SIX1: variants seen among roughly 807,000 people sequenced by gnomAD.
SIX1 encodes SIX homeobox 1.
A neutral mutation model predicts 26.5 loss-of-function variants in SIX1; 11 were observed. The ratio of observed to expected loss-of-function variants is 0.41; its 90% CI spans 0.26 to 0.69. SIX1 has a LOEUF of 0.69. SIX1 is among the 30% of genes least tolerant of loss of function. The probability of loss-of-function intolerance (pLI) is 0.28; values close to 1 mark genes in which losing one functional copy is unlikely to be tolerated. For synonymous variants in SIX1, 177 were observed against 166.2 expected, an observed-to-expected ratio of 1.06 and a Z score of -0.50; for missense variants, 333 against 365.9, an observed-to-expected ratio of 0.91 and a Z score of 0.73.
chr14:60,643,612 A>G lies in SIX1; in HGVS notation c.*2671T>C, dbSNP rs1390117403. On this transcript the variant is annotated 3_prime_UTR_variant, in exon 2 of 2. Coordinates refer to ENST00000645694, the MANE Select transcript of SIX1 (RefSeq NM_005982.4). ...GAGGTCCCTTAACAGCTGGTTCTCGAAGATTTCCTCGAGGGAAGAAAAAAA... is the reference window on the plus strand; with the variant it reads ...GAGGTCCCTTAACAGCTGGTTCTCGGAGATTTCCTCGAGGGAAGAAAAAAA... 1.3e-5 allele frequency: 2 copies of G among 152,124 alleles called. No individual in the cohort carries two copies. The highest frequency in any genetic ancestry group is 2.9e-5 in the Non-Finnish European group (2 of 68,038). The allele number at this position is 152,124 out of a possible 1,614,324, so 9.4% of individuals were successfully genotyped here.
At position 60,649,136 on chromosome 14, in the gene SIX1, G is replaced by A. The variant is rs1433194575; in HGVS notation, c.54C>T (p.Cys18=). 1 of 1,612,486 alleles carries A rather than the reference G, an allele frequency of 6.2e-7. No homozygotes were observed. The highest frequency in any genetic ancestry group is 1.3e-5 in the African/African-American group (1 of 74,906). ...GGTTTCCGCCTTGCTGCAGAACCTC[G>A]CACACGCACGCCACTTGCTCCTGCG... ...GFTQEQVACV[C]EVLQQGGNLE... Residue 18 remains cysteine (C), a synonymous_variant, in exon 1 of 2, where the codon TGC becomes TGT. Transcript: ENST00000645694. The surrounding 1 kb of genome is among the most constrained non-coding windows in gnomAD (Gnocchi z 5.1).
Position 60,646,410 on chromosome 14 carries a change from C to T in SIX1, c.728G>A (p.Ser243Asn). ...LLQGNMGHARSSNYSLPGLTA... is the reference protein window; with the variant it reads ...LLQGNMGHARNSNYSLPGLTA... ...TAAGCCCGGGAGAGAATAGTTTGAG[C>T]TCCTGGCGTGGCCCATATTGCCCTG... Residue 243 changes from serine to asparagine, a missense_variant, in exon 2 of 2, where the codon AGC becomes AAC. Transcript: ENST00000645694. 6.2e-7 allele frequency: 1 copy of T among 1,613,960 alleles called. No individual in the cohort carries two copies. The highest frequency in any genetic ancestry group is 8.5e-7 in the Non-Finnish European group (1 of 1,180,002).
In SIX1 at chr14:60,647,447, A is replaced by G. The variant is rs533521755; in HGVS notation, c.561-870T>C. Among the ~76,000 whole-genome samples, 3 of 152,246 alleles carry G rather than the reference A, an allele frequency of 2.0e-5. No homozygotes were observed. The highest frequency in any genetic ancestry group is 2.9e-5 in the Non-Finnish European group (2 of 68,006). ...TGGGGCGTCAGTCCGGGCACTCGGTACCGGTTAACTTCAGGATTTCGCTTC... is the reference window on the plus strand; with the variant it reads ...TGGGGCGTCAGTCCGGGCACTCGGTGCCGGTTAACTTCAGGATTTCGCTTC... On this transcript the variant is annotated intron_variant, in intron 1 of 1. Coordinates refer to ENST00000645694, the MANE Select transcript of SIX1 (RefSeq NM_005982.4). The surrounding 1 kb of genome is among the most constrained non-coding windows in gnomAD (Gnocchi z 5.1).
Position 60,647,833 on chromosome 14 carries a change from G to A in SIX1, c.560+797C>T, listed in dbSNP as rs954794701. On this transcript the variant is annotated intron_variant, in intron 1 of 1. Coordinates refer to ENST00000645694, the MANE Select transcript of SIX1 (RefSeq NM_005982.4). The surrounding 1 kb of genome is among the most constrained non-coding windows in gnomAD (Gnocchi z 5.1). Reference sequence around the variant, plus strand: ...CCCAGGTGGCCGAAGGTGTTGCCCCGAGGTGGGGGAAAGTAGAGACCAATT... The same window carrying A: ...CCCAGGTGGCCGAAGGTGTTGCCCCAAGGTGGGGGAAAGTAGAGACCAATT... Among the ~76,000 whole-genome samples, 1 of 152,202 alleles carries A rather than the reference G, an allele frequency of 6.6e-6. No homozygotes were observed. The highest frequency in any genetic ancestry group is 2.4e-5 in the African/African-American group (1 of 41,468).
chr14:60,647,587 G>A lies in SIX1; in HGVS notation c.561-1010C>T, dbSNP rs1894972819. Among the ~76,000 whole-genome samples, 1 of 152,134 alleles carries A rather than the reference G, an allele frequency of 6.6e-6. No homozygotes were observed. Among genetic ancestry groups the A allele is most frequent in the Admixed American group, 6.5e-5 (1 of 15,276 alleles). ...TCTGTCTCCCGACAAGCCCATTTCA[G>A]CAGAATTTATCCTGGCTCTGGTTTT... is the stretch of plus-strand genomic sequence containing the variant. On this transcript the variant is annotated intron_variant, in intron 1 of 1. Coordinates refer to ENST00000645694, the MANE Select transcript of SIX1 (RefSeq NM_005982.4). This position sits in a 1 kb window ranked among gnomAD's most constrained non-coding sequence, Gnocchi z 5.1.
chr14:60,648,184 C>T lies in SIX1; in HGVS notation c.560+446G>A, dbSNP rs1287000033. Among the ~76,000 whole-genome samples the T allele has an allele frequency of 1.3e-5, 2 of 152,138 alleles. No homozygotes were observed. The highest frequency in any genetic ancestry group is 2.9e-5 in the Non-Finnish European group (2 of 68,006). ...GAACCAGGCGGGAGTGGGGGCAGAGCCAATGTCTCAGGCCAGCTTCACCCC... is the reference window on the plus strand; with the variant it reads ...GAACCAGGCGGGAGTGGGGGCAGAGTCAATGTCTCAGGCCAGCTTCACCCC... On this transcript the variant is annotated intron_variant, in intron 1 of 1. Coordinates refer to ENST00000645694, the MANE Select transcript of SIX1 (RefSeq NM_005982.4). The surrounding 1 kb of genome is among the most constrained non-coding windows in gnomAD (Gnocchi z 7.9).
chr14:60,649,206 G>C lies in SIX1; in HGVS notation c.-17C>G, dbSNP rs764866193. The C allele has an allele frequency of 5.0e-6, 8 of 1,602,224 alleles. No individual in the cohort carries two copies. The highest frequency in any genetic ancestry group is 6.8e-6 in the Non-Finnish European group (8 of 1,179,114). ...CATCGACATGGCTGGGGCCTGCCGGGGCGCACGGCCCAGGCGCACGCGGCA... is the reference window on the plus strand; with the variant it reads ...CATCGACATGGCTGGGGCCTGCCGGCGCGCACGGCCCAGGCGCACGCGGCA... On this transcript the variant is annotated 5_prime_UTR_variant, in exon 1 of 2. Transcript: ENST00000645694. The surrounding 1 kb of genome is among the most constrained non-coding windows in gnomAD (Gnocchi z 5.1).
chr14:60,646,753 G>T (rs1411077272), intron 1 of SIX1, among the ~76,000 whole-genome samples, 176 bp from the exon 2 acceptor site: 1 of 152,088 alleles, frequency 6.6e-6, no homozygotes, highest in Non-Finnish European at 1.5e-5. Flanking sequence ...CAAGGGTAAT[G>T]GGGGAGGTGA....
In SIX1 at chr14:60,649,334, A is replaced by G; in HGVS notation, c.-145T>C. ...TGCAAAGGCGAAAACCGGAGTCGGA[A>G]CTTGGCGGTGGGCGGCCAAGGAAGA... On this transcript the variant is annotated 5_prime_UTR_variant, in exon 1 of 2. Coordinates refer to ENST00000645694, the MANE Select transcript of SIX1 (RefSeq NM_005982.4). The surrounding 1 kb of genome is among the most constrained non-coding windows in gnomAD (Gnocchi z 5.1). 1.5e-6 allele frequency: 1 copy of G among 688,322 alleles called. No individual in the cohort carries two copies. Among genetic ancestry groups the G allele is most frequent in the South Asian group, 1.9e-5 (1 of 53,922 alleles). The allele number at this position is 688,322 out of a possible 1,614,324, so 42.6% of individuals were successfully genotyped here.
At position 60,646,456 on chromosome 14, in the gene SIX1, G is replaced by C. The variant is rs770666125; in HGVS notation, c.682C>G (p.Gln228Glu). Residue 228 changes from glutamine (Q) to glutamate (E), a missense_variant, in exon 2 of 2, where the codon CAG (glutamine) becomes GAG (glutamate). Around this residue, in one of 3 missense-constraint regions of SIX1, gnomAD observed 199 missense variants for 215.2 expected, o/e 0.92. Transcript: ENST00000645694. ...EEFSPPQSPD[Q>E]NSVLLLQGNM... ...CCCTGCAGCAGAAGGACCGAGTTCT[G>C]GTCTGGACTTTGGGGAGGTGAGAAT... The C allele has an allele frequency of 1.5e-5, 24 of 1,614,074 alleles. No homozygotes were observed. The highest frequency in any genetic ancestry group is 1.4e-5 in the Non-Finnish European group (17 of 1,180,018).
chr14:60,648,526 C>A lies in SIX1; in HGVS notation c.560+104G>T, dbSNP rs1276826884. 1.2e-5 allele frequency: 14 copies of A among 1,200,064 alleles called. No individual in the cohort carries two copies. The highest frequency in any genetic ancestry group is 1.4e-5 in the Non-Finnish European group (12 of 846,674). The allele number at this position is 1,200,064 out of a possible 1,614,324, so 74.3% of individuals were successfully genotyped here. A position where few individuals can be genotyped will look rare whatever the true frequency, so the allele number is the denominator to read the frequency against. ...CGCCGCCCCGTGGACGGGCTCCGGC[C>A]GGCGGGGAGGACTTGGTGGCTGGTG... On this transcript the variant is annotated intron_variant, in intron 1 of 1. Coordinates refer to ENST00000645694, the MANE Select transcript of SIX1 (RefSeq NM_005982.4). This position sits in a 1 kb window ranked among gnomAD's most constrained non-coding sequence, Gnocchi z 7.9.
rs201700039 is a variant in SIX1, at chr14:60,649,213, G to T, written c.-24C>A. Reference sequence around the variant, plus strand: ...ATGGCTGGGGCCTGCCGGGGCGCACGGCCCAGGCGCACGCGGCAGGGAGCA... The same window carrying T: ...ATGGCTGGGGCCTGCCGGGGCGCACTGCCCAGGCGCACGCGGCAGGGAGCA... On this transcript the variant is annotated 5_prime_UTR_variant, in exon 1 of 2. Transcript: ENST00000645694. The surrounding 1 kb of genome is among the most constrained non-coding windows in gnomAD (Gnocchi z 5.1). 1.1e-5 allele frequency: 17 copies of T among 1,598,320 alleles called. No homozygotes were observed. Among genetic ancestry groups the T allele is most frequent in the Non-Finnish European group, 1.4e-5 (17 of 1,177,098 alleles).
chr14:60,646,860 T>C (rs1316570051), intron 1 of SIX1, among the ~76,000 whole-genome samples: 4 of 152,146 alleles, frequency 2.6e-5, no homozygotes, highest in African/African-American at 4.8e-5. Context: ...AGTGATAGAT[T>C]AGCAGGATTT....
chr14:60,647,608 G>C lies in SIX1; in HGVS notation c.560+1022C>G, dbSNP rs1894973078. On this transcript the variant is annotated intron_variant, in intron 1 of 1. Coordinates refer to ENST00000645694, the MANE Select transcript of SIX1 (RefSeq NM_005982.4). This position sits in a 1 kb window ranked among gnomAD's most constrained non-coding sequence, Gnocchi z 5.1. ...TTCAGCAGAATTTATCCTGGCTCTGGTTTTCCACCAAGACAAGAAAGGGAG... is the reference window on the plus strand; with the variant it reads ...TTCAGCAGAATTTATCCTGGCTCTGCTTTTCCACCAAGACAAGAAAGGGAG... Among the ~76,000 whole-genome samples the C allele has an allele frequency of 6.6e-6, 1 of 152,124 alleles. No individual in the cohort carries two copies. The highest frequency in any genetic ancestry group is 2.4e-5 in the African/African-American group (1 of 41,424).
At position 60,648,434 on chromosome 14, in the gene SIX1, G is replaced by A. The variant is rs77352785; in HGVS notation, c.560+196C>T. On this transcript the variant is annotated intron_variant, in intron 1 of 1. Coordinates refer to ENST00000645694, the MANE Select transcript of SIX1 (RefSeq NM_005982.4). This position sits in a 1 kb window ranked among gnomAD's most constrained non-coding sequence, Gnocchi z 7.9. ...ACGCGCGGGTGCTCAAAGCAAATGAGGCCCCATCCTTAGCAAGGAACCTCA... is the reference window on the plus strand; with the variant it reads ...ACGCGCGGGTGCTCAAAGCAAATGAAGCCCCATCCTTAGCAAGGAACCTCA... 4.6e-5 allele frequency among the ~76,000 whole-genome samples: 7 copies of A among 152,202 alleles called. No homozygotes were observed. In the East Asian group the frequency reaches 1.2e-3, roughly 25 times the overall value.
rs1894976378 is a variant in SIX1 at position 60,647,785 on chromosome 14, CTA to C, written c.560+843_560+844del. Among the ~76,000 whole-genome samples, 2 of 152,354 alleles carry C rather than the reference CTA, an allele frequency of 1.3e-5. No homozygotes were observed. Among genetic ancestry groups the C allele is most frequent in the South Asian group, 4.1e-4 (2 of 4,822 alleles). On this transcript the variant is annotated intron_variant, in intron 1 of 1. Coordinates refer to ENST00000645694, the MANE Select transcript of SIX1 (RefSeq NM_005982.4). The surrounding 1 kb of genome is among the most constrained non-coding windows in gnomAD (Gnocchi z 5.1). ...TCCTTCTGAATCTCTGTCCGAAACGCTATAGAGAACAGAAGGAGCCTGCCCAG... is the reference window on the plus strand; with the variant it reads ...TCCTTCTGAATCTCTGTCCGAAACGCTAGAGAACAGAAGGAGCCTGCCCAG...
chr14:60,649,246 G>T lies in SIX1; in HGVS notation c.-57C>A. The T allele has an allele frequency of 6.5e-7, 1 of 1,531,294 alleles. No homozygotes were observed. Among genetic ancestry groups the T allele is most frequent in the East Asian group, 2.3e-5 (1 of 44,002 alleles). 94.9% of individuals were successfully genotyped at this position (1,531,294 alleles called of 1,614,324 possible). On this transcript the variant is annotated 5_prime_UTR_variant, in exon 1 of 2. Transcript: ENST00000645694. The surrounding 1 kb of genome is among the most constrained non-coding windows in gnomAD (Gnocchi z 5.1). ...CGCACGCGGCAGGGAGCAGAGCCGA[G>T]AGGCAGGGGGCGGCGGCCGCAGGGA...
In SIX1 at chr14:60,649,472, G is replaced by C. The variant is rs1039485734; in HGVS notation, c.-283C>G. 5 of 390,406 alleles carry C rather than the reference G, an allele frequency of 1.3e-5. No homozygotes were observed. The highest frequency in any genetic ancestry group is 4.3e-5 in the African/African-American group (2 of 47,038). The allele number at this position is 390,406 out of a possible 1,614,324, so 24.2% of individuals were successfully genotyped here. A position where few individuals can be genotyped will look rare whatever the true frequency, so the allele number is the denominator to read the frequency against. ...CCGGTGGATGCTGCTAGTTGCCGGG[G>C]AACTTGGTTTCTGTTCTCCCCGCAG... is the stretch of plus-strand genomic sequence containing the variant. On this transcript the variant is annotated 5_prime_UTR_variant, in exon 1 of 2. Transcript: ENST00000645694. This position sits in a 1 kb window ranked among gnomAD's most constrained non-coding sequence, Gnocchi z 5.1.
intron 1 of SIX1, 119 bp from the exon 2 acceptor site, chr14:60,646,696 ATC>A (rs1453629532): frequency 2.3e-6 from 2 of 878,612 alleles, no homozygotes; most frequent in African/African-American, 3.4e-5. Context: ...CCATTGTGCA[ATC>A]TGTCACCAAC....
Sources: gnomAD v4.1 joint callset for allele counts (sites outside exome capture counted in the v4.1 genomes callset) on GRCh38, gnomAD v4.1.1 for gene constraint, gnomAD v4.1.1 regional missense constraint, Gnocchi (gnomAD v3.1) non-coding constraint, MANE v1.5 for transcripts, NCBI Gene and HGNC (gene_info 2026-07-23, HGNC 2026-07-21) for gene names.